LUZP2: variants seen among roughly 807,000 people sequenced by gnomAD.
LUZP2 encodes the protein leucine zipper protein 2.
LUZP2 carries 52 observed loss-of-function variants against 51.6 expected under a neutral mutation model. That is an observed-to-expected ratio of 1.01 (90% CI 0.81 to 1.27). The LOEUF is 1.27. LUZP2 is among the 50% of genes most tolerant of loss of function. The pLI is 0.00. For synonymous variants in LUZP2, 154 were observed against 137.3 expected, an observed-to-expected ratio of 1.12 and a Z score of -0.85; for missense variants, 436 against 395.4, an observed-to-expected ratio of 1.10 and a Z score of -0.87.
intron 1 of LUZP2, among the ~76,000 whole-genome samples, chr11:24,719,766 C>G (rs1239664711): frequency 2.0e-5 from 3 of 152,168 alleles, no homozygotes. Flanking sequence ...GGATGTTATT[C>G]TAAATCTCAG....
intron 5 of LUZP2, among the ~76,000 whole-genome samples, chr11:24,773,694 TAC>T (rs1447435362): frequency 6.6e-6 from 1 of 152,182 alleles, no homozygotes. Flanking sequence ...TACATGCTAT[TAC>T]ACATGTCTCA....
intron 9 of LUZP2, among the ~76,000 whole-genome samples, chr11:25,004,188 C>T (rs889560055): frequency 6.6e-6 from 1 of 152,166 alleles, no homozygotes; most frequent in African/African-American, 2.4e-5. Flanking sequence ...CCCAGAGAAA[C>T]TTTGTCTTCT....
chr11:24,693,086 G>A (rs1857129129), intron 1 of LUZP2, among the ~76,000 whole-genome samples: 1 of 151,786 alleles, frequency 6.6e-6, no homozygotes, highest in African/African-American at 2.4e-5. Flanking sequence ...AACTGATTAA[G>A]AATTCACAGT....
At chr11:24,872,407 A>G (rs149519826) in intron 5 of LUZP2, among the ~76,000 whole-genome samples, 1 of 152,232 alleles carries the variant, frequency 6.6e-6, no homozygotes, top group Non-Finnish European at 1.5e-5. Flanking sequence ...TGTATTACCT[A>G]ATCTAAAAGC....
At chr11:25,005,119 CACCCCCT>C (rs1161955358) in intron 9 of LUZP2, among the ~76,000 whole-genome samples, 1 of 152,126 alleles carries the variant, frequency 6.6e-6, no homozygotes, top group Non-Finnish European at 1.5e-5. Context: ...CCAAATTCCC[CACCCCCT>C]ACAGCTTGAA....
chr11:24,708,418 A>T (rs186952302), intron 1 of LUZP2, among the ~76,000 whole-genome samples: 2 of 152,196 alleles, frequency 1.3e-5, no homozygotes, highest in Admixed American at 6.5e-5. Context: ...AAATTTTTAT[A>T]GTCTTTTCTC....
rs71044309 is a variant in LUZP2 at position 24,833,712 on chromosome 11, G to GCACACACACACACACACACACA, written c.396+70423_396+70424insACACACACACACACACACACAC. On this transcript the variant is annotated intron_variant, in intron 5 of 11. Coordinates refer to ENST00000336930, the MANE Select transcript of LUZP2 (RefSeq NM_001009909.4). ...CCCCCACGCCTGCCACCGCGCGCGC[G>GCACACACACACACACACACACA]CACACACACACACACACACTTGATT... is the stretch of plus-strand genomic sequence containing the variant. 7.4e-4 allele frequency among the ~76,000 whole-genome samples: 109 copies of GCACACACACACACACACACACA among 147,230 alleles called. No individual in the cohort carries two copies. The South Asian group carries it at 0.01, about 14-fold the overall frequency.
At chr11:24,912,794 A>G (rs538722549) in intron 6 of LUZP2, among the ~76,000 whole-genome samples, 1 of 152,296 alleles carries the variant, frequency 6.6e-6, no homozygotes, top group East Asian at 1.9e-4. Flanking sequence ...TGGGCAACAG[A>G]GCAAGACTCC....
chr11:24,605,552 A>G (rs1853887304), intron 1 of LUZP2, among the ~76,000 whole-genome samples: 1 of 151,798 alleles, frequency 6.6e-6, no homozygotes, highest in Non-Finnish European at 1.5e-5. Flanking sequence ...ATGGCATAAA[A>G]TAAAAATAAT....
chr11:24,843,725 G>A (rs1310454180), intron 5 of LUZP2, among the ~76,000 whole-genome samples: 2 of 152,084 alleles, frequency 1.3e-5, no homozygotes, highest in Admixed American at 1.3e-4. Flanking sequence ...ACATATCATG[G>A]GAGGTGCCTG....
chr11:24,944,851 G>C (rs1854856832), intron 7 of LUZP2, among the ~76,000 whole-genome samples: 1 of 152,178 alleles, frequency 6.6e-6, no homozygotes, highest in South Asian at 2.1e-4. Flanking sequence ...AATGCCTTCT[G>C]TTGCAGGATA....
intron 5 of LUZP2, among the ~76,000 whole-genome samples, chr11:24,766,427 T>A (rs919163774): frequency 6.6e-6 from 1 of 152,170 alleles, no homozygotes; most frequent in African/African-American, 2.4e-5. Flanking sequence ...GAAATTGTTA[T>A]CAATACAAGG....
intron 7 of LUZP2, among the ~76,000 whole-genome samples, chr11:24,952,685 C>G (rs1237083557): frequency 6.6e-6 from 1 of 151,794 alleles, no homozygotes; most frequent in African/African-American, 2.4e-5. Context: ...ATATATGTTT[C>G]TTTGACTTGG....
chr11:24,562,582 G>T (rs1212395492), intron 1 of LUZP2, among the ~76,000 whole-genome samples: 2 of 151,758 alleles, frequency 1.3e-5, no homozygotes, highest in Non-Finnish European at 2.9e-5. Flanking sequence ...GGCCGGGCGC[G>T]GTGGCTCATG....
At chr11:25,018,423 G>A (rs1035112483) in intron 9 of LUZP2, among the ~76,000 whole-genome samples, 126 of 152,154 alleles carry the variant, frequency 8.3e-4, no homozygotes, top group African/African-American at 2.8e-3. Flanking sequence ...CTGAAAGATG[G>A]AGTGTCAGCA....
intron 1 of LUZP2, among the ~76,000 whole-genome samples, chr11:24,593,331 A>G (rs1480952612): frequency 6.6e-6 from 1 of 152,008 alleles, no homozygotes; most frequent in African/African-American, 2.4e-5. Context: ...TGAGTGGCAA[A>G]CTTTCCCAAC....
intron 10 of LUZP2, 22 bp downstream of exon 10, chr11:25,050,152 T>G: frequency 1.4e-6 from 2 of 1,465,094 alleles, no homozygotes; most frequent in South Asian, 1.2e-5. Context: ...TTAAGATGCT[T>G]TTTACAGTAT....
chr11:25,071,326 C>T (rs1232286495), intron 10 of LUZP2, among the ~76,000 whole-genome samples: 1 of 151,856 alleles, frequency 6.6e-6, no homozygotes, highest in Admixed American at 6.6e-5. Flanking sequence ...AGCACACCAA[C>T]ATGGCACATG....
chr11:24,879,090 G>A (rs972045557), intron 5 of LUZP2, among the ~76,000 whole-genome samples: 55 of 151,810 alleles, frequency 3.6e-4, no homozygotes, highest in Admixed American at 3.4e-3. Flanking sequence ...GACTACAGGC[G>A]CCCACCACCA....
Sources: allele counts gnomAD v4.1 joint callset (sites outside exome capture counted in the v4.1 genomes callset), GRCh38; gene constraint gnomAD v4.1.1; transcripts MANE v1.5; gene names NCBI Gene and HGNC (gene_info 2026-07-23, HGNC 2026-07-21).